LCNL1: variants seen among roughly 807,000 people sequenced by gnomAD.
LCNL1 encodes the protein lipocalin like 1, also known as lipocalin-like 1 protein.
LCNL1 carries 11 observed loss-of-function variants against 7.9 expected under a neutral mutation model. The ratio of observed to expected loss-of-function variants is 1.40; its 90% CI spans 0.88 to 2.32. The LOEUF is 2.32. Ranked by LOEUF, LCNL1 falls within the 30% of genes most tolerant of loss-of-function variation. The probability of loss-of-function intolerance (pLI) is 0.00; values close to 1 mark genes in which losing one functional copy is unlikely to be tolerated. For synonymous variants in LCNL1, 90 were observed against 92.5 expected, an observed-to-expected ratio of 0.97 and a Z score of 0.15; for missense variants, 218 against 217.0, an observed-to-expected ratio of 1.00 and a Z score of -0.03.
chr9:136,985,149 C>G lies in LCNL1; in HGVS notation c.*138C>G, dbSNP rs1251496860. 4 of 888,788 alleles carry G rather than the reference C, an allele frequency of 4.5e-6. No individual in the cohort carries two copies. Among genetic ancestry groups the G allele is most frequent in the South Asian group, 1.8e-5 (1 of 55,562 alleles). 55.1% of individuals were successfully genotyped at this position (888,788 alleles called of 1,614,324 possible). A position where few individuals can be genotyped will look rare whatever the true frequency, so the allele number is the denominator to read the frequency against. ...GCTGCCGAAGTCGGGTGAGCGGTGCCGGCAGCCCTGCTGGGAGGGCCAGGC... is the reference window on the plus strand; with the variant it reads ...GCTGCCGAAGTCGGGTGAGCGGTGCGGGCAGCCCTGCTGGGAGGGCCAGGC... On this transcript the variant is annotated 3_prime_UTR_variant, in exon 3 of 3. Coordinates refer to ENST00000408973, the MANE Select transcript of LCNL1 (RefSeq NM_207510.4).
At chr9:136,984,641 C>T (rs767353663) in intron 2 of LCNL1, 72 bp from the exon 3 acceptor site, 180 of 1,505,328 alleles carry the variant, frequency 1.2e-4, no homozygotes, top group Non-Finnish European at 1.5e-4. Context: ...CACCTGGGGC[C>T]GGGGCGTGAG....
Position 136,985,422 on chromosome 9 carries a change from G to T in LCNL1, c.*411G>T. ...ACCAGTGTGCGGGCGCGCTCTCCCG[G>T]GTGAGTAGACCATGGCCATGCGGAG... On this transcript the variant is annotated 3_prime_UTR_variant, in exon 3 of 3. Coordinates refer to ENST00000408973, the MANE Select transcript of LCNL1 (RefSeq NM_207510.4). 1 of 178,534 alleles carries T rather than the reference G, an allele frequency of 5.6e-6. No homozygotes were observed. The highest frequency in any genetic ancestry group is 1.2e-5 in the Non-Finnish European group (1 of 85,652). The allele number at this position is 178,534 out of a possible 1,614,324, so 11.1% of individuals were successfully genotyped here. A position where few individuals can be genotyped will look rare whatever the true frequency, so the allele number is the denominator to read the frequency against.
rs1314445856 is a variant in LCNL1 at position 136,984,854 on chromosome 9, AC to A, written c.343del (p.Arg115AlafsTer94). 1 of 1,561,108 alleles carries A rather than the reference AC, an allele frequency of 6.4e-7. No homozygotes were observed. The highest frequency in any genetic ancestry group is 8.7e-7 in the Non-Finnish European group (1 of 1,152,740). ...CGGGCTGCGGGGCGGAGACCCAGAC[AC>A]CCCCGCTTCGGGTCTGGGATGTCAC... ...GGRAAGRRPR[H>X]PRFGSGMSPL... On this transcript the variant is annotated frameshift_variant, in exon 3 of 3. Coordinates refer to ENST00000408973, the MANE Select transcript of LCNL1 (RefSeq NM_207510.4). LOFTEE classifies it low-confidence loss of function (END_TRUNC).
chr9:136,984,436 C>A, intron 1 of LCNL1, 54 bp from the exon 2 acceptor site: 1 of 1,471,422 alleles, frequency 6.8e-7, no homozygotes, highest in Non-Finnish European at 9.1e-7. Flanking sequence ...AGGCTCTAGG[C>A]CTGGGCGCTG....
Position 136,984,544 on chromosome 9 carries a change from G to A in LCNL1, c.177G>A (p.Pro59=), listed in dbSNP as rs571068558. Residue 59 remains proline, a synonymous_variant, in exon 2 of 3, where the codon CCG becomes CCA. Transcript: ENST00000408973. The part of the protein sequence containing the change: ...MDTTFTEGAV[P]GQFSNPAMAL... ...CGACCTTCACCGAGGGTGCTGTACC[G>A]GGGCAGTTCAGCAACCCAGGTGAGG... 4.4e-6 allele frequency: 7 copies of A among 1,574,732 alleles called. No individual in the cohort carries two copies. Among genetic ancestry groups the A allele is most frequent in the Admixed American group, 1.9e-5 (1 of 53,272 alleles).
Position 136,984,696 on chromosome 9 carries a change from G to A in LCNL1, c.197-17G>A, listed in dbSNP as rs781038296. On this transcript the variant is annotated splice_polypyrimidine_tract_variant and intron_variant, in intron 2 of 2. Coordinates refer to ENST00000408973, the MANE Select transcript of LCNL1 (RefSeq NM_207510.4). The stretch of plus-strand genomic sequence containing the variant: ...GAGGTGCCCTGGGCCTGGGGTCAGC[G>A]GCTCTCGCTCCTCCAGCCATGGCCC... 4.9e-5 allele frequency: 74 copies of A among 1,515,230 alleles called. No individual in the cohort carries two copies. The highest frequency in any genetic ancestry group is 6.3e-5 in the Non-Finnish European group (71 of 1,129,368). The allele number at this position is 1,515,230 out of a possible 1,614,324, so 93.9% of individuals were successfully genotyped here. A position where few individuals can be genotyped will look rare whatever the true frequency, so the allele number is the denominator to read the frequency against.
rs1250238327 is a variant in LCNL1 at position 136,984,771 on chromosome 9, GTACTT to G, written c.256_260del (p.Tyr86GlyfsTer149). The G allele has an allele frequency of 6.4e-7, 1 of 1,570,856 alleles. No homozygotes were observed. Among genetic ancestry groups the G allele is most frequent in the Non-Finnish European group, 8.7e-7 (1 of 1,154,574 alleles). On this transcript the variant is annotated frameshift_variant, in exon 3 of 3. Transcript: ENST00000408973. LOFTEE classifies it low-confidence loss of function (END_TRUNC). Reference sequence around the variant, plus strand: ...CCGACTACCAGCACTTTGCCTTGCTGTACTTGGAGATGCGGAAAGGGGGCCTGCGG... The same window carrying G: ...CCGACTACCAGCACTTTGCCTTGCTGGGAGATGCGGAAAGGGGGCCTGCGG...
chr9:136,984,596 G>A (rs777649296), intron 2 of LCNL1, 33 bp downstream of exon 2: 16 of 1,535,840 alleles, frequency 1.0e-5, no homozygotes, highest in Non-Finnish European at 1.1e-5. Context: ...GCTGTGGCGT[G>A]GGGGCCCTGG....
chr9:136,983,335 C>G lies in LCNL1; in HGVS notation c.-252C>G. ...CAAAGACCTGTGACCTTGCCACAGC[C>G]CCACCCATCCAGCCGTACCCCCTGG... On this transcript the variant is annotated 5_prime_UTR_variant, in exon 1 of 3. Transcript: ENST00000408973. The G allele has an allele frequency of 2.1e-6, 1 of 470,784 alleles. No individual in the cohort carries two copies. The highest frequency in any genetic ancestry group is 4.0e-6 in the Non-Finnish European group (1 of 252,654). 29.2% of individuals were successfully genotyped at this position (470,784 alleles called of 1,614,324 possible).
At chr9:136,983,946 G>T in intron 1 of LCNL1, 1 of 541,850 alleles carries the variant, frequency 1.8e-6, no homozygotes. Context: ...GTCTGTGTCT[G>T]TGTGTGTATC....
In LCNL1 at chr9:136,984,969, C is replaced by T. The variant is rs1830483338; in HGVS notation, c.453C>T (p.Cys151=). 1.3e-6 allele frequency: 2 copies of T among 1,547,792 alleles called. No homozygotes were observed. Among genetic ancestry groups the T allele is most frequent in the Non-Finnish European group, 1.7e-6 (2 of 1,144,716 alleles). The change falls in exon 3 of 3, where the codon TGC becomes TGT. Residue 151 remains cysteine (C), a synonymous_variant. Coordinates refer to ENST00000408973, the MANE Select transcript of LCNL1 (RefSeq NM_207510.4). ...GGCCGCGGGTCCCGGCCCCTCCCTG[C>T]CCCTCTCTCCCTCTCTTCGCCCCTC... ...CLWPRVPAPP[C]PSLPLFAPPA...
At position 136,985,177 on chromosome 9, in the gene LCNL1, C is replaced by G. The variant is rs1237688902; in HGVS notation, c.*166C>G. The G allele has an allele frequency of 3.0e-6, 2 of 657,866 alleles. No individual in the cohort carries two copies. The highest frequency in any genetic ancestry group is 1.9e-5 in the African/African-American group (1 of 53,700). 40.8% of individuals were successfully genotyped at this position (657,866 alleles called of 1,614,324 possible). A position where few individuals can be genotyped will look rare whatever the true frequency, so the allele number is the denominator to read the frequency against. On this transcript the variant is annotated 3_prime_UTR_variant, in exon 3 of 3. Transcript: ENST00000408973. Reference sequence around the variant, plus strand: ...CAGCCCTGCTGGGAGGGCCAGGCCCCGGGTCACACCCCTGCTGGAAGGGCC... The same window carrying G: ...CAGCCCTGCTGGGAGGGCCAGGCCCGGGGTCACACCCCTGCTGGAAGGGCC...
chr9:136,984,882 C>A lies in LCNL1; in HGVS notation c.366C>A (p.Pro122=). The A allele has an allele frequency of 2.6e-6, 4 of 1,558,854 alleles. No homozygotes were observed. The highest frequency in any genetic ancestry group is 2.4e-5 in the East Asian group (1 of 41,552). ...CCCGCTTCGGGTCTGGGATGTCACC[C>A]CTGTGCCTGCACCAGCCCTTTCTGC... ...RHPRFGSGMS[P]LCLHQPFLHA... Residue 122 remains proline, a synonymous_variant, in exon 3 of 3, where the codon CCC becomes CCA. Coordinates refer to ENST00000408973, the MANE Select transcript of LCNL1 (RefSeq NM_207510.4).
rs73563218 is a variant in LCNL1, at chr9:136,984,499, C to T, written c.132C>T (p.Gly44=). 661 of 1,566,716 alleles carry T rather than the reference C, an allele frequency of 4.2e-4. 5 individuals are homozygous for T. The African/African-American group carries it at 7.9e-3, about 19-fold the overall frequency. The change falls in exon 2 of 3, where the codon GGC becomes GGT. Residue 44 remains glycine, a synonymous_variant. Coordinates refer to ENST00000408973, the MANE Select transcript of LCNL1 (RefSeq NM_207510.4). The part of the protein sequence containing the change: ...ALKFGYPTPH[G]GCQKMDTTFT... ...GGCTCTTTCTCCCCAGGCCCCATGG[C>T]GGGTGCCAGAAAATGGACACGACCT...
chr9:136,983,992 A>G, intron 1 of LCNL1: 2 of 458,844 alleles, frequency 4.4e-6, no homozygotes, highest in Non-Finnish European at 4.0e-6. Flanking sequence ...ATGTGTGTCT[A>G]TTTCTGCATG....
Position 136,983,696 on chromosome 9 carries a change from T to G in LCNL1, c.110T>G (p.Phe37Cys), listed in dbSNP as rs1830466392. 5 of 1,613,842 alleles carry G rather than the reference T, an allele frequency of 3.1e-6. No individual in the cohort carries two copies. The highest frequency in any genetic ancestry group is 4.2e-6 in the Non-Finnish European group (5 of 1,179,854). ...PLGNGDLALK[F>C]GYPTPHGGCQ... ...GGGAATGGTGACCTGGCCCTCAAGTTTGGATACCCCACGTAAGTGACCACA... is the reference window on the plus strand; with the variant it reads ...GGGAATGGTGACCTGGCCCTCAAGTGTGGATACCCCACGTAAGTGACCACA... The change falls in exon 1 of 3, where the codon TTT (phenylalanine) becomes TGT (cysteine). Residue 37 changes from phenylalanine to cysteine, a missense_variant. Phe to Cys is a radical substitution (Grantham distance 205, BLOSUM62 -2). Coordinates refer to ENST00000408973, the MANE Select transcript of LCNL1 (RefSeq NM_207510.4).
In LCNL1 at chr9:136,984,578, C is replaced by T. The variant is rs1256755783; in HGVS notation, c.196+15C>T. ...CAGCAACCCAGGTGAGGTGGGGCAG[C>T]AGGCAGGGCTGTGGCGTGGGGGCCC... is the stretch of plus-strand genomic sequence containing the variant. On this transcript the variant is annotated intron_variant, in intron 2 of 2. Transcript: ENST00000408973. 1.9e-6 allele frequency: 3 copies of T among 1,554,072 alleles called. No individual in the cohort carries two copies. The highest frequency in any genetic ancestry group is 2.3e-5 in the East Asian group (1 of 42,602).
Position 136,983,333 on chromosome 9 carries a change from G to A in LCNL1, c.-254G>A, listed in dbSNP as rs1279060821. ...CACAAAGACCTGTGACCTTGCCACA[G>A]CCCCACCCATCCAGCCGTACCCCCT... On this transcript the variant is annotated 5_prime_UTR_variant, in exon 1 of 3. Transcript: ENST00000408973. 1 of 464,498 alleles carries A rather than the reference G, an allele frequency of 2.2e-6. No individual in the cohort carries two copies. The highest frequency in any genetic ancestry group is 4.0e-6 in the Non-Finnish European group (1 of 248,880). 28.8% of individuals were successfully genotyped at this position (464,498 alleles called of 1,614,324 possible).
Position 136,985,201 on chromosome 9 carries a change from C to T in LCNL1, c.*190C>T. ...CCGGGTCACACCCCTGCTGGAAGGG[C>T]CAGGCCCTGGTCACTCCACTGATCT... On this transcript the variant is annotated 3_prime_UTR_variant, in exon 3 of 3. Coordinates refer to ENST00000408973, the MANE Select transcript of LCNL1 (RefSeq NM_207510.4). 1.7e-6 allele frequency: 1 copy of T among 603,794 alleles called. No individual in the cohort carries two copies. 37.4% of individuals were successfully genotyped at this position (603,794 alleles called of 1,614,324 possible). A position where few individuals can be genotyped will look rare whatever the true frequency, so the allele number is the denominator to read the frequency against.
Sources: gnomAD v4.1 joint callset for allele counts on GRCh38, gnomAD v4.1.1 for gene constraint, MANE v1.5 for transcripts, NCBI Gene and HGNC (gene_info 2026-07-23, HGNC 2026-07-21) for gene names.